The following FSTL4 variants were observed in gnomAD, a reference collection of about 807,000 sequenced individuals.
The protein encoded by FSTL4 is follistatin like 4.
FSTL4 carries 28 observed loss-of-function variants against 78.2 expected under a neutral mutation model. The ratio of observed to expected loss-of-function variants is 0.36; its 90% CI spans 0.27 to 0.49. FSTL4 has a LOEUF of 0.49. Among genes scored for constraint, FSTL4 ranks in the 20% least tolerant of loss-of-function variants. FSTL4 has a pLI of 0.98. For synonymous variants in FSTL4, 422 were observed against 440.5 expected (o/e 0.96, Z 0.53); for missense variants, 922 against 1,084.9 (o/e 0.85, Z 2.11).
chr5:133,803,841 T>A, the FSTL4 span, among the ~76,000 whole-genome samples: 1 of 152,158 alleles, frequency 6.6e-6, no homozygotes, highest in Non-Finnish European at 1.5e-5. Flanking sequence ...GTCCCATATC[T>A]GCAGGGTTCC....
At chr5:133,303,378 C>T (rs1427580585) in intron 6 of FSTL4, among the ~76,000 whole-genome samples, 1 of 152,192 alleles carries the variant, frequency 6.6e-6, no homozygotes, top group Non-Finnish European at 1.5e-5. Flanking sequence ...CAGCTCACTC[C>T]TCATCTGCTG....
intron 6 of FSTL4, among the ~76,000 whole-genome samples, chr5:133,269,515 C>G (rs137909815): frequency 6.6e-6 from 1 of 152,094 alleles, no homozygotes; most frequent in Admixed American, 6.5e-5. Flanking sequence ...GAAAGAAAAC[C>G]GAGGAACATC....
At chr5:133,718,685 T>C in the FSTL4 span, among the ~76,000 whole-genome samples, 9 of 152,248 alleles carry the variant, frequency 5.9e-5, no homozygotes, top group Non-Finnish European at 1.0e-4. Flanking sequence ...TTTTTATTAA[T>C]TGTCTTCAAC....
chr5:133,385,742 C>CA (rs1351527449), intron 4 of FSTL4, among the ~76,000 whole-genome samples: 2 of 152,278 alleles, frequency 1.3e-5, no homozygotes, highest in African/African-American at 2.4e-5. Context: ...GACAGTGTGG[C>CA]ATAGTAGAAG....
chr5:133,258,907 A>C (rs1752447339), intron 6 of FSTL4, among the ~76,000 whole-genome samples: 1 of 152,200 alleles, frequency 6.6e-6, no homozygotes, highest in Non-Finnish European at 1.5e-5. Flanking sequence ...ACCTTCTGAG[A>C]ATGTTCTAAC....
At chr5:133,599,332 C>T (rs560425893) in intron 2 of FSTL4, among the ~76,000 whole-genome samples, 1 of 152,044 alleles carries the variant, frequency 6.6e-6, no homozygotes, top group African/African-American at 2.4e-5. Flanking sequence ...GGGGAAGGGG[C>T]CGGTCAGTCA....
chr5:133,313,391 G>A (rs570632159), intron 5 of FSTL4, among the ~76,000 whole-genome samples: 7 of 152,198 alleles, frequency 4.6e-5, no homozygotes, highest in East Asian at 1.9e-4. Flanking sequence ...ACTCTGGCAC[G>A]GAGGCTACAG....
the FSTL4 span, among the ~76,000 whole-genome samples, chr5:133,621,289 A>C: frequency 6.6e-6 from 1 of 152,190 alleles, no homozygotes; most frequent in Non-Finnish European, 1.5e-5. Flanking sequence ...AGTCCCAGCT[A>C]CTCGGGAGGC....
the FSTL4 span, among the ~76,000 whole-genome samples, chr5:133,676,693 GA>G: frequency 6.6e-6 from 1 of 152,200 alleles, no homozygotes; most frequent in African/African-American, 2.4e-5. Flanking sequence ...TTAAAAGATA[GA>G]TTGCTCTTTT....
At chr5:133,661,354 C>A in the FSTL4 span, among the ~76,000 whole-genome samples, 1 of 152,208 alleles carries the variant, frequency 6.6e-6, no homozygotes, top group African/African-American at 2.4e-5. Flanking sequence ...GTGCTCTGAA[C>A]TGCAGGCTCC....
chr5:133,685,442 G>A, the FSTL4 span, among the ~76,000 whole-genome samples: 4 of 152,266 alleles, frequency 2.6e-5, no homozygotes, highest in Non-Finnish European at 5.9e-5. Context: ...ACCATCAAGA[G>A]CCTAGCACAC....
rs1561611261 is a variant in FSTL4 at position 133,197,263 on chromosome 5, A to G, written c.*1832T>C. ...TAAAAATGGGAGATTGGGAGTAAACATAACATATCAAGATATTGAGGCAGG... is the reference window on the plus strand; with the variant it reads ...TAAAAATGGGAGATTGGGAGTAAACGTAACATATCAAGATATTGAGGCAGG... On this transcript the variant is annotated 3_prime_UTR_variant, in exon 16 of 16. Transcript: ENST00000265342. The G allele has an allele frequency of 4.5e-5, 1 of 22,392 alleles. No homozygotes were observed. The highest frequency in any genetic ancestry group is 2.2e-4 in the African/African-American group (1 of 4,530). 1.4% of individuals were successfully genotyped at this position (22,392 alleles called of 1,614,324 possible).
At chr5:133,314,443 A>G (rs1203842336) in intron 5 of FSTL4, among the ~76,000 whole-genome samples, 1 of 152,190 alleles carries the variant, frequency 6.6e-6, no homozygotes, top group Admixed American at 6.5e-5. Context: ...GAGATTCCCA[A>G]CGTGCTTCCT....
intron 3 of FSTL4, among the ~76,000 whole-genome samples, chr5:133,564,879 C>G (rs965648997): frequency 6.6e-6 from 1 of 152,212 alleles, no homozygotes; most frequent in Non-Finnish European, 1.5e-5. Flanking sequence ...TCGATTTCCA[C>G]TGCTAACATT....
At chr5:133,583,191 C>A in intron 2 of FSTL4, 1 of 451,478 alleles carries the variant, frequency 2.2e-6, no homozygotes, top group South Asian at 1.6e-5. Flanking sequence ...TTTCCTGACC[C>A]TCCAAAAGCC....
chr5:133,340,540 A>C lies in FSTL4; in HGVS notation c.410-23888T>G, dbSNP rs539508448. Among the ~76,000 whole-genome samples the C allele has an allele frequency of 4.4e-4, 67 of 152,328 alleles. 1 individual carries two copies. The South Asian group carries it at 0.013, about 30-fold the overall frequency. ...ATGTTGTAATAACCATTATAAACCC[A>C]TTCTCTGCACACCCACTAATAAATA... On this transcript the variant is annotated intron_variant, in intron 4 of 15. Transcript: ENST00000265342.
intron 6 of FSTL4, among the ~76,000 whole-genome samples, chr5:133,260,983 G>C (rs144025485): frequency 1.3e-5 from 2 of 152,320 alleles, no homozygotes; most frequent in African/African-American, 2.4e-5. Flanking sequence ...GGCGGGGCCT[G>C]TGGTCTGGTA....
At chr5:133,211,311 G>A (rs1750705528) in intron 13 of FSTL4, among the ~76,000 whole-genome samples, 1 of 152,080 alleles carries the variant, frequency 6.6e-6, no homozygotes, top group African/African-American at 2.4e-5. Context: ...TCTTGTCACT[G>A]GTCAACATTC....
chr5:133,693,710 T>C, the FSTL4 span, among the ~76,000 whole-genome samples: 4,401 of 152,254 alleles, frequency 0.029, 225 homozygotes, highest in African/African-American at 0.1. Context: ...AGAAGTTTAT[T>C]TGGCTCACAG....
Sources: gnomAD v4.1 joint callset for allele counts (sites outside exome capture counted in the v4.1 genomes callset) on GRCh38, gnomAD v4.1.1 for gene constraint, MANE v1.5 for transcripts, NCBI Gene and HGNC (gene_info 2026-07-23, HGNC 2026-07-21) for gene names.